Variants in ACYP2 observed in about 807,000 individuals in gnomAD.
ACYP2 encodes the protein acylphosphatase-2.
In ACYP2, 12 loss-of-function variants were observed where a neutral mutation model predicts 11.2. The observed-to-expected ratio is 1.08, with a 90% CI of 0.69 to 1.74. The LOEUF is 1.74. Ranked by LOEUF, ACYP2 falls within the 40% of genes most tolerant of loss-of-function variation. The pLI, the probability that ACYP2 is intolerant of heterozygous loss-of-function variation, is 0.00. For missense variants in ACYP2, 134 were observed against 101.9 expected (o/e 1.31, Z -1.35); for synonymous variants, 43 against 32.2 (o/e 1.33, Z -1.13).
In ACYP2 at chr2:54,124,027, A is replaced by G. The variant is rs533634919; in HGVS notation, c.278-11426A>G. 3.3e-5 allele frequency among the ~76,000 whole-genome samples: 5 copies of G among 152,324 alleles called. No homozygotes were observed. In the South Asian group the frequency reaches 6.2e-4, roughly 19 times the overall value. ...AGCTGTGCCTGTCACAGTCGTTCAT[A>G]TATTAAATACACTTCTAAACAATTA... On this transcript the variant is annotated intron_variant, in intron 4 of 6. Transcript: ENST00000607452.
chr2:54,101,151 C>T (rs1678870809), intron 4 of ACYP2, among the ~76,000 whole-genome samples: 1 of 152,108 alleles, frequency 6.6e-6, no homozygotes, highest in Non-Finnish European at 1.5e-5. Flanking sequence ...TGCATTTGAA[C>T]CCCTGCAGCT....
chr2:54,219,006 T>C (rs541727784), intron 6 of ACYP2, among the ~76,000 whole-genome samples: 1 of 152,274 alleles, frequency 6.6e-6, no homozygotes, highest in Non-Finnish European at 1.5e-5. Flanking sequence ...AAATCTTGGA[T>C]GGGAAATCTA....
Position 54,202,416 on chromosome 2 carries a change from T to C in ACYP2, c.404+63668T>C, listed in dbSNP as rs1417598585. ...GCCACTGTGCCTGGCTTTTTTTTTT[T>C]TTTTTTTCTGAGATGGAATCTTGCT... On this transcript the variant is annotated intron_variant, in intron 6 of 6. Coordinates refer to ENST00000607452, the MANE Select transcript of ACYP2 (RefSeq NM_001320586.2). 3.4e-5 allele frequency among the ~76,000 whole-genome samples: 5 copies of C among 148,206 alleles called. 1 individual carries two copies. The highest frequency in any genetic ancestry group is 1.3e-4 in the African/African-American group (5 of 39,570).
intron 6 of ACYP2, among the ~76,000 whole-genome samples, chr2:54,185,742 C>A (rs1477744812): frequency 6.6e-6 from 1 of 152,034 alleles, no homozygotes; most frequent in Admixed American, 6.6e-5. Flanking sequence ...TTTCCTCCTA[C>A]AAAACCAATC....
intron 6 of ACYP2, among the ~76,000 whole-genome samples, chr2:54,298,576 C>G (rs1253247085): frequency 1.3e-5 from 2 of 152,112 alleles, no homozygotes. Flanking sequence ...TTGCAGGCTA[C>G]CAAAGCAGAG....
At chr2:53,997,606 A>G (rs550140865) in intron 2 of ACYP2, among the ~76,000 whole-genome samples, 2 of 152,092 alleles carry the variant, frequency 1.3e-5, no homozygotes, top group African/African-American at 2.4e-5. Flanking sequence ...GCACCCGGCC[A>G]TATTTTTCCT....
intron 2 of ACYP2, among the ~76,000 whole-genome samples, chr2:54,011,508 A>G (rs1673370556): frequency 1.3e-5 from 2 of 152,224 alleles, no homozygotes; most frequent in South Asian, 4.1e-4. Flanking sequence ...TAGGGAGAAG[A>G]TGACTCTGAT....
chr2:53,978,848 G>A (rs1229335832), intron 2 of ACYP2, among the ~76,000 whole-genome samples: 1 of 151,998 alleles, frequency 6.6e-6, no homozygotes, highest in Non-Finnish European at 1.5e-5. Flanking sequence ...GCCTAAGCCT[G>A]GGAGGCAGAG....
At chr2:54,221,663 G>C (rs1416511506) in intron 6 of ACYP2, among the ~76,000 whole-genome samples, 3 of 151,798 alleles carry the variant, frequency 2.0e-5, no homozygotes, top group African/African-American at 7.3e-5. Flanking sequence ...TGGGATTACA[G>C]GTGTGTGCCA....
At chr2:53,980,207 G>A (rs983030536) in intron 2 of ACYP2, among the ~76,000 whole-genome samples, 1 of 151,918 alleles carries the variant, frequency 6.6e-6, no homozygotes, top group African/African-American at 2.4e-5. Context: ...TTAAAAATTA[G>A]CCAGGCGTTA....
At chr2:54,078,217 G>T (rs997064814) in intron 4 of ACYP2, among the ~76,000 whole-genome samples, 3 of 151,856 alleles carry the variant, frequency 2.0e-5, no homozygotes, top group Non-Finnish European at 4.4e-5. Context: ...AAAGTGCTGG[G>T]ATTACAGGGG....
intron 6 of ACYP2, among the ~76,000 whole-genome samples, chr2:54,216,197 G>A (rs950687765): frequency 3.3e-5 from 5 of 152,176 alleles, no homozygotes; most frequent in African/African-American, 1.2e-4. Context: ...AATTAGGTCT[G>A]TCCCTAAACT....
intron 1 of ACYP2, chr2:53,971,418 A>C (rs184458479): frequency 6.6e-6 from 1 of 151,522 alleles, no homozygotes; most frequent in Admixed American, 6.6e-5. Flanking sequence ...AGATTTATTT[A>C]CTCCATCCCG....
At chr2:54,047,568 T>G (rs1237180246) in intron 2 of ACYP2, among the ~76,000 whole-genome samples, 37 of 152,152 alleles carry the variant, frequency 2.4e-4, no homozygotes, top group Non-Finnish European at 2.4e-4. Context: ...ATGAATAAAT[T>G]GATTGTATTG....
intron 6 of ACYP2, among the ~76,000 whole-genome samples, chr2:54,201,998 G>A (rs1376364887): frequency 2.6e-5 from 4 of 151,846 alleles, no homozygotes; most frequent in African/African-American, 4.8e-5. Flanking sequence ...ATGAGCCACT[G>A]TGCCTGGCCC....
At chr2:54,084,939 G>A (rs1036289422) in intron 4 of ACYP2, 1 of 152,200 alleles carries the variant, frequency 6.6e-6, no homozygotes, top group Non-Finnish European at 1.5e-5. Context: ...TTTATTAGAT[G>A]TGATGATGGT....
At chr2:54,178,575 T>G (rs917458185) in intron 6 of ACYP2, among the ~76,000 whole-genome samples, 2 of 152,246 alleles carry the variant, frequency 1.3e-5, no homozygotes, top group African/African-American at 4.8e-5. Flanking sequence ...ACAGTACTTT[T>G]ACTTGAATTT....
chr2:54,012,471 G>A (rs1400869550), intron 2 of ACYP2, among the ~76,000 whole-genome samples: 1 of 152,206 alleles, frequency 6.6e-6, no homozygotes, highest in Non-Finnish European at 1.5e-5. Flanking sequence ...AGCCATGACT[G>A]TGCCACTGCA....
chr2:54,022,278 C>T (rs776976429), intron 2 of ACYP2, among the ~76,000 whole-genome samples: 2 of 151,980 alleles, frequency 1.3e-5, no homozygotes, highest in African/African-American at 2.4e-5. Flanking sequence ...GTTCAGGATT[C>T]GCTACCCCAA....
Sources: gnomAD v4.1 joint callset for allele counts (sites outside exome capture counted in the v4.1 genomes callset) on GRCh38, gnomAD v4.1.1 for gene constraint, MANE v1.5 for transcripts, NCBI Gene and HGNC (gene_info 2026-07-23, HGNC 2026-07-21) for gene names.